The following LRRTM4 variants were observed in gnomAD, a reference collection of about 807,000 sequenced individuals.
LRRTM4 encodes the protein leucine rich repeat transmembrane neuronal 4, also known as leucine-rich repeat transmembrane neuronal protein 4.
LRRTM4 carries 25 observed loss-of-function variants against 47.6 expected under a neutral mutation model. That is an observed-to-expected ratio of 0.53 (90% CI 0.38 to 0.73). LRRTM4 has a LOEUF of 0.73. Ranked by LOEUF, LRRTM4 falls within the 30% of genes least tolerant of loss-of-function variation. LRRTM4 has a pLI of 0.00. For missense variants in LRRTM4, 638 were observed against 713.4 expected, an observed-to-expected ratio of 0.89 and a Z score of 1.20; for synonymous variants, 311 against 269.5, an observed-to-expected ratio of 1.15 and a Z score of -1.51.
At chr2:76,990,271 TAAC>T (rs2103990171) in intron 3 of LRRTM4, among the ~76,000 whole-genome samples, 1 of 151,910 alleles carries the variant, frequency 6.6e-6, no homozygotes, top group South Asian at 2.1e-4. Context: ...AATGACCAGC[TAAC>T]AACTTCATGA....
intron 3 of LRRTM4, among the ~76,000 whole-genome samples, chr2:77,195,332 C>T (rs372233944): frequency 1.3e-5 from 2 of 151,836 alleles, no homozygotes; most frequent in Admixed American, 1.3e-4. Context: ...TTCTTTGGCA[C>T]TGTTTCATAG....
intron 3 of LRRTM4, among the ~76,000 whole-genome samples, chr2:77,450,360 G>A (rs1009560529): frequency 2.0e-5 from 3 of 151,252 alleles, no homozygotes; most frequent in Admixed American, 6.6e-5. Flanking sequence ...AAGTTACAGG[G>A]TACATAATAA....
intron 3 of LRRTM4, among the ~76,000 whole-genome samples, chr2:76,912,032 C>T (rs1674083692): frequency 6.6e-6 from 1 of 151,334 alleles, no homozygotes; most frequent in Admixed American, 6.6e-5. Context: ...GGGTTCACGC[C>T]ATTCTCCTGC....
intron 3 of LRRTM4, among the ~76,000 whole-genome samples, chr2:77,185,253 GC>G (rs1673467831): frequency 6.6e-6 from 1 of 152,140 alleles, no homozygotes; most frequent in Non-Finnish European, 1.5e-5. Flanking sequence ...TGATAAGGGT[GC>G]TGCTCCTGGT....
chr2:77,050,520 A>C (rs1409030883), intron 3 of LRRTM4, among the ~76,000 whole-genome samples: 1 of 152,158 alleles, frequency 6.6e-6, no homozygotes, highest in Non-Finnish European at 1.5e-5. Context: ...TTCTATAAGG[A>C]ATTAGGACAA....
intron 3 of LRRTM4, among the ~76,000 whole-genome samples, chr2:77,445,425 C>T (rs1489053797): frequency 1.3e-5 from 2 of 151,886 alleles, no homozygotes; most frequent in East Asian, 3.9e-4. Context: ...ACCACTTGTA[C>T]ACCAAATGCC....
chr2:76,918,800 G>A (rs1256489672), intron 3 of LRRTM4, among the ~76,000 whole-genome samples: 1 of 152,076 alleles, frequency 6.6e-6, no homozygotes, highest in Non-Finnish European at 1.5e-5. Context: ...GAAGTCTTCA[G>A]AAGAAATCCT....
At chr2:77,121,747 A>G (rs1387302312) in intron 3 of LRRTM4, among the ~76,000 whole-genome samples, 2 of 151,804 alleles carry the variant, frequency 1.3e-5, no homozygotes, top group African/African-American at 2.4e-5. Context: ...ACATTAGCCA[A>G]TCGCTTTTCT....
intron 3 of LRRTM4, among the ~76,000 whole-genome samples, chr2:77,127,948 G>C (rs1463138831): frequency 6.6e-6 from 1 of 152,114 alleles, no homozygotes; most frequent in Admixed American, 6.6e-5. Flanking sequence ...TTCGAGACCT[G>C]CCTGAGCAAC....
intron 3 of LRRTM4, among the ~76,000 whole-genome samples, chr2:77,244,370 A>G (rs1160635147): frequency 6.6e-6 from 1 of 151,880 alleles, no homozygotes; most frequent in Non-Finnish European, 1.5e-5. Context: ...TGGTTGAACT[A>G]GTTTACAGTC....
At chr2:77,398,735 G>C (rs1382964627) in intron 3 of LRRTM4, among the ~76,000 whole-genome samples, 5 of 151,798 alleles carry the variant, frequency 3.3e-5, no homozygotes, top group Admixed American at 3.3e-4. Context: ...CCGTATGGCA[G>C]ATGTACCTGA....
intron 3 of LRRTM4, among the ~76,000 whole-genome samples, chr2:77,185,065 C>T (rs969436356): frequency 6.6e-6 from 1 of 152,092 alleles, no homozygotes; most frequent in Non-Finnish European, 1.5e-5. Context: ...ATACTTCTGG[C>T]CTTTACCCAT....
chr2:77,333,434 G>C (rs907300324), intron 3 of LRRTM4, among the ~76,000 whole-genome samples: 13 of 152,134 alleles, frequency 8.5e-5, no homozygotes, highest in African/African-American at 2.4e-4. Flanking sequence ...AGGCTGATGT[G>C]GTCTCACTGG....
At chr2:76,764,413 C>T (rs1375286331) in intron 3 of LRRTM4, among the ~76,000 whole-genome samples, 2 of 152,128 alleles carry the variant, frequency 1.3e-5, no homozygotes, top group Admixed American at 1.3e-4. Flanking sequence ...GGGCAGATCA[C>T]GTGGTCAGGA....
At chr2:76,955,365 T>A (rs1050512920) in intron 3 of LRRTM4, among the ~76,000 whole-genome samples, 23 of 151,850 alleles carry the variant, frequency 1.5e-4, no homozygotes, top group Admixed American at 9.9e-4. Flanking sequence ...TGTTTTTGTA[T>A]GTGATTCAAG....
rs200964332 is a variant in LRRTM4, at chr2:77,094,245, C to T, written c.1552-345329G>A. 1.8e-4 allele frequency among the ~76,000 whole-genome samples: 28 copies of T among 152,062 alleles called. No homozygotes were observed. The East Asian group carries it at 4.1e-3, about 22-fold the overall frequency. Reference sequence around the variant, plus strand: ...TAAGCAAGGAGCTGAAAGAGCTGTACAATCAACTATAAAACACTGACAGAA... The same window carrying T: ...TAAGCAAGGAGCTGAAAGAGCTGTATAATCAACTATAAAACACTGACAGAA... On this transcript the variant is annotated intron_variant, in intron 3 of 3. Coordinates refer to ENST00000409884, the MANE Select transcript of LRRTM4 (RefSeq NM_001134745.3).
intron 3 of LRRTM4, among the ~76,000 whole-genome samples, chr2:77,136,510 AC>A (rs1210979538): frequency 1.3e-5 from 2 of 152,160 alleles, no homozygotes; most frequent in African/African-American, 4.8e-5. Flanking sequence ...AGGTAGTAAA[AC>A]CAAAAAGATG....
chr2:77,015,303 T>G (rs144489266), intron 3 of LRRTM4, among the ~76,000 whole-genome samples: 1 of 152,208 alleles, frequency 6.6e-6, no homozygotes, highest in Non-Finnish European at 1.5e-5. Context: ...CTTCCCTGAC[T>G]GATACATGGA....
At chr2:77,443,162 G>A (rs909674184) in intron 3 of LRRTM4, among the ~76,000 whole-genome samples, 1 of 152,140 alleles carries the variant, frequency 6.6e-6, no homozygotes, top group East Asian at 1.9e-4. Flanking sequence ...GGTTGCAAAT[G>A]TAGGTAGGAG....
Sources: gnomAD v4.1 joint callset for allele counts (sites outside exome capture counted in the v4.1 genomes callset) on GRCh38, gnomAD v4.1.1 for gene constraint, MANE v1.5 for transcripts, NCBI Gene and HGNC (gene_info 2026-07-23, HGNC 2026-07-21) for gene names.